The following UFL1 variants were observed in gnomAD, a reference collection of about 807,000 sequenced individuals.
UFL1 encodes UFM1 specific ligase 1.
In UFL1, 78 loss-of-function variants were observed where a neutral mutation model predicts 99.3. The ratio of observed to expected loss-of-function variants is 0.79; its 90% CI spans 0.65 to 0.95. The LOEUF is 0.95. UFL1 is among the 40% of genes least tolerant of loss of function. The pLI, the probability that UFL1 is intolerant of heterozygous loss-of-function variation, is 0.00. For synonymous variants in UFL1, 335 were observed against 322.2 expected (o/e 1.04, Z -0.42); for missense variants, 936 against 937.0 (o/e 1.00, Z 0.01).
At position 96,532,612 on chromosome 6, in the gene UFL1, G is replaced by T. The variant is rs1184543372; in HGVS notation, c.597-1651G>T. Among the ~76,000 whole-genome samples the T allele has an allele frequency of 5.3e-5, 8 of 152,226 alleles. No individual in the cohort carries two copies. In the South Asian group the frequency reaches 6.2e-4, roughly 12 times the overall value. ...AGAGTATATTGTTGAAAGGATTATG[G>T]CTTCATTGGTTTCTCCCCTTTGCTT... On this transcript the variant is annotated intron_variant, in intron 6 of 18. Transcript: ENST00000369278.
chr6:96,526,282 TAATTCTTTTTTCTA>T, intron 4 of UFL1, 25 bp from the exon 5 acceptor site: 1 of 1,514,532 alleles, frequency 6.6e-7, no homozygotes, highest in Non-Finnish European at 9.0e-7. Context: ...AAAACATTCC[TAATTCTTTTTTCTA>T]TTATTTTCTT....
At position 96,548,195 on chromosome 6, in the gene UFL1, CCAGGA is replaced by C; in HGVS notation, c.1435_1439del (p.Gln479Ter). On this transcript the variant is annotated frameshift_variant, in exon 13 of 19. Coordinates refer to ENST00000369278, the MANE Select transcript of UFL1 (RefSeq NM_015323.5). LOFTEE classifies it high-confidence loss of function. ...AGAAGCCAGAGATCAGTTTTATGTT[CCAGGA>C]TGAGATTGAAGATTTTTTAAGAAAA... 1 of 1,603,422 alleles carries C rather than the reference CCAGGA, an allele frequency of 6.2e-7. No individual in the cohort carries two copies. The highest frequency in any genetic ancestry group is 8.5e-7 in the Non-Finnish European group (1 of 1,174,580).
rs761644345 is a variant in UFL1, at chr6:96,549,538, T to C, written c.1647T>C (p.Asn549=). Residue 549 remains asparagine (N), a synonymous_variant, in exon 14 of 19, where the codon AAT becomes AAC. Coordinates refer to ENST00000369278, the MANE Select transcript of UFL1 (RefSeq NM_015323.5). ...DLQEEVSNLY[N]NIRLFEKGMK... is the part of the protein sequence containing the mutation. ...AAGAAGAAGTTTCAAACCTGTACAA[T>C]AACATTAGGTTATTTGAAAAAGGGA... 6.9e-6 allele frequency: 11 copies of C among 1,596,460 alleles called. No homozygotes were observed. The South Asian group carries it at 1.3e-4, about 18-fold the overall frequency.
At chr6:96,536,893 G>T (rs1302515831) in intron 8 of UFL1, among the ~76,000 whole-genome samples, 1 of 151,472 alleles carries the variant, frequency 6.6e-6, no homozygotes, top group Non-Finnish European at 1.5e-5. Context: ...TGGAAACATT[G>T]AAGTTATTCT....
rs1273080239 is a variant in UFL1 at position 96,553,300 on chromosome 6, T to C, written c.2182T>C (p.Leu728=). The C allele has an allele frequency of 3.7e-6, 6 of 1,613,274 alleles. No individual in the cohort carries two copies. In the Admixed American group the frequency reaches 5.0e-5, roughly 13 times the overall value. Residue 728 remains leucine (L), a synonymous_variant, in exon 19 of 19, where the codon TTG becomes CTG. Transcript: ENST00000369278. ...SKIPEDQHAL[L]VKYQGLVVKQ... ...CTTTTCACAGGATCAGCATGCTCTT[T>C]TGGTAAAGTATCAAGGTTTGGTTGT... is the stretch of plus-strand genomic sequence containing the variant.
intron 17 of UFL1, 46 bp downstream of exon 17, chr6:96,551,969 G>A: frequency 7.2e-7 from 1 of 1,387,130 alleles, no homozygotes; most frequent in African/African-American, 1.4e-5. Context: ...TAAATGTGGA[G>A]CCTTTCATAT....
chr6:96,532,002 T>C (rs979667095), intron 6 of UFL1, among the ~76,000 whole-genome samples: 2 of 152,230 alleles, frequency 1.3e-5, no homozygotes, highest in African/African-American at 2.4e-5. Flanking sequence ...TCTCTGACTT[T>C]TAAAAAGTTT....
intron 7 of UFL1, among the ~76,000 whole-genome samples, chr6:96,535,508 C>T (rs903696591): frequency 3.9e-5 from 6 of 151,928 alleles, no homozygotes; most frequent in Admixed American, 6.6e-5. Context: ...TTATTATATG[C>T]CAGCTACTGT....
rs889811977 is a variant in UFL1, at chr6:96,547,159, C to G, written c.1403-1005C>G. On this transcript the variant is annotated intron_variant, in intron 12 of 18. Coordinates refer to ENST00000369278, the MANE Select transcript of UFL1 (RefSeq NM_015323.5). ...AGAAGAAGCCCCATTGAAAACTGAG[C>G]AAAGGATATGAACAGATACTTCTCA... Among the ~76,000 whole-genome samples the G allele has an allele frequency of 6.6e-5, 10 of 151,620 alleles. 1 individual carries two copies. In the Admixed American group the frequency reaches 6.6e-4, roughly 10 times the overall value.
rs759863446 is a variant in UFL1, at chr6:96,551,941, T to C, written c.1985+18T>C. 9.7e-6 allele frequency: 15 copies of C among 1,541,672 alleles called. No homozygotes were observed. The South Asian group carries it at 1.7e-4, about 18-fold the overall frequency. ...AGGGAAAGGTAACATTAAATTAATCTATATTTGGAAATGTTCTTAAATGTG... is the reference window on the plus strand; with the variant it reads ...AGGGAAAGGTAACATTAAATTAATCCATATTTGGAAATGTTCTTAAATGTG... On this transcript the variant is annotated intron_variant, in intron 17 of 18. Coordinates refer to ENST00000369278, the MANE Select transcript of UFL1 (RefSeq NM_015323.5).
Position 96,528,649 on chromosome 6 carries a change from GTA to G in UFL1, c.596+25_596+26del. On this transcript the variant is annotated intron_variant, in intron 6 of 18. Transcript: ENST00000369278. Reference sequence around the variant, plus strand: ...TATTACCCGGTAAGTATATTTTAAAGTATATATATTTGCACATTTCTTTGATC... The same window carrying G: ...TATTACCCGGTAAGTATATTTTAAAGTATATATTTGCACATTTCTTTGATC... 6 of 1,592,208 alleles carry G rather than the reference GTA, an allele frequency of 3.8e-6. No homozygotes were observed. The highest frequency in any genetic ancestry group is 5.1e-6 in the Non-Finnish European group (6 of 1,169,720).
At chr6:96,532,528 A>G (rs1487593442) in intron 6 of UFL1, among the ~76,000 whole-genome samples, 1 of 152,210 alleles carries the variant, frequency 6.6e-6, no homozygotes, top group East Asian at 1.9e-4. Context: ...GAATAGATTA[A>G]TGCCCTCCCA....
chr6:96,526,631 A>C (rs1269663922), intron 5 of UFL1, among the ~76,000 whole-genome samples, 196 bp downstream of exon 5: 3 of 152,180 alleles, frequency 2.0e-5, no homozygotes, highest in Non-Finnish European at 4.4e-5. Context: ...GAGGCAGTTT[A>C]AAAATGATTG....
chr6:96,529,978 G>A (rs1018530869), intron 6 of UFL1, among the ~76,000 whole-genome samples: 4 of 152,032 alleles, frequency 2.6e-5, no homozygotes, highest in African/African-American at 9.7e-5. Context: ...ATAGAAAGGG[G>A]CATCATCCTA....
At chr6:96,534,166 G>A in intron 6 of UFL1, 97 bp from the exon 7 acceptor site, 1 of 775,232 alleles carries the variant, frequency 1.3e-6, no homozygotes, top group Non-Finnish European at 1.8e-6. Context: ...CTTTTAAACA[G>A]TATTTTTCTT....
chr6:96,529,747 T>C (rs1410364013), intron 6 of UFL1, among the ~76,000 whole-genome samples: 1 of 152,190 alleles, frequency 6.6e-6, no homozygotes, highest in East Asian at 1.9e-4. Flanking sequence ...GTGATTTCCC[T>C]TTTTGTCATT....
At chr6:96,526,515 A>G (rs1437218414) in intron 5 of UFL1, 80 bp downstream of exon 5, 5 of 1,078,346 alleles carry the variant, frequency 4.6e-6, no homozygotes, top group East Asian at 5.0e-5. Context: ...GGGGGAAAAA[A>G]AAATGAGACT....
At chr6:96,532,827 A>T (rs1335738606) in intron 6 of UFL1, among the ~76,000 whole-genome samples, 1 of 152,198 alleles carries the variant, frequency 6.6e-6, no homozygotes, top group Admixed American at 6.5e-5. Flanking sequence ...TTATAGCAAC[A>T]CTAAACTGAC....
At chr6:96,546,788 G>A (rs1411515271) in intron 12 of UFL1, among the ~76,000 whole-genome samples, 2 of 151,266 alleles carry the variant, frequency 1.3e-5, no homozygotes, top group African/African-American at 4.8e-5. Context: ...TTCAATAAAT[G>A]GTTCTGGGAA....
Sources: gnomAD v4.1 joint callset for allele counts (sites outside exome capture counted in the v4.1 genomes callset) on GRCh38, gnomAD v4.1.1 for gene constraint, MANE v1.5 for transcripts, NCBI Gene and HGNC (gene_info 2026-07-23, HGNC 2026-07-21) for gene names.